AIM2: variants seen among roughly 807,000 people sequenced by gnomAD.
The protein encoded by AIM2 is absent in melanoma 2.
In AIM2, 30 loss-of-function variants were observed where a neutral mutation model predicts 27.7. The observed-to-expected ratio is 1.08, with a 90% CI of 0.81 to 1.47. The LOEUF (loss-of-function observed/expected upper bound fraction) is 1.47, where lower values mean the gene tolerates loss of function less well. Among genes scored for constraint, AIM2 ranks in the 40% most tolerant of loss-of-function variants. The probability of loss-of-function intolerance (pLI) is 0.00; values close to 1 mark genes in which losing one functional copy is unlikely to be tolerated. For synonymous variants in AIM2, 141 were observed against 145.3 expected (o/e 0.97, Z 0.21); for missense variants, 358 against 411.3 (o/e 0.87, Z 1.12).
intron 1 of AIM2, among the ~76,000 whole-genome samples, chr1:159,073,929 C>T (rs140653122): frequency 0.012 from 1,786 of 152,246 alleles, 46 homozygotes; most frequent in African/African-American, 0.041. Context: ...ATCCCAACTA[C>T]TCAGGAGGCT....
chr1:159,073,201 A>C (rs1408820697), intron 2 of AIM2, 37 bp downstream of exon 2: 1 of 1,609,702 alleles, frequency 6.2e-7, no homozygotes, highest in Admixed American at 1.7e-5. Context: ...GGCTTGGCAG[A>C]AAAAGGGACG....
At chr1:159,099,006 AT>A (rs5778107) in intron 1 of AIM2, among the ~76,000 whole-genome samples, 122,117 of 147,742 alleles carry the variant, frequency 0.83, 51,798 homozygotes, top group East Asian at 0.99. Context: ...TGGTTGTGTG[AT>A]TTTTTTTTTT....
intron 1 of AIM2, among the ~76,000 whole-genome samples, chr1:159,094,998 G>A (rs942140002): frequency 1.3e-5 from 2 of 151,868 alleles, no homozygotes; most frequent in Admixed American, 6.6e-5. Flanking sequence ...ACAAAAGCGG[G>A]CAATTTAAAT....
intron 1 of AIM2, among the ~76,000 whole-genome samples, chr1:159,112,406 A>C (rs1657594411): frequency 6.6e-6 from 1 of 152,236 alleles, no homozygotes; most frequent in Admixed American, 6.5e-5. Flanking sequence ...CATGCACCTC[A>C]TTAAATAGAC....
chr1:159,087,088 C>G (rs187045749), intron 1 of AIM2, among the ~76,000 whole-genome samples: 1 of 152,196 alleles, frequency 6.6e-6, no homozygotes, highest in African/African-American at 2.4e-5. Flanking sequence ...AATTCAACCT[C>G]TACATATCCT....
chr1:159,122,542 T>C (rs914863256), intron 1 of AIM2, among the ~76,000 whole-genome samples: 1 of 152,232 alleles, frequency 6.6e-6, no homozygotes, highest in East Asian at 1.9e-4. Context: ...TGGTGTAAAG[T>C]TAGCTGTCCA....
chr1:159,113,825 T>C (rs1647255851), intron 1 of AIM2, among the ~76,000 whole-genome samples: 1 of 152,164 alleles, frequency 6.6e-6, no homozygotes, highest in South Asian at 2.1e-4. Context: ...TATTGAATAG[T>C]GGTGAGGCAT....
chr1:159,106,160 A>G (rs1657441139), intron 1 of AIM2, among the ~76,000 whole-genome samples: 1 of 152,174 alleles, frequency 6.6e-6, no homozygotes, highest in Non-Finnish European at 1.5e-5. Context: ...CAAACCCCCA[A>G]GAGCACAGCA....
chr1:159,132,906 C>A (rs1255319285), intron 1 of AIM2, among the ~76,000 whole-genome samples: 1 of 152,186 alleles, frequency 6.6e-6, no homozygotes, highest in Non-Finnish European at 1.5e-5. Context: ...TTCAAACATC[C>A]AACACCTTCT....
chr1:159,074,610 CATT>C (rs1656515208), intron 1 of AIM2, among the ~76,000 whole-genome samples: 1 of 151,820 alleles, frequency 6.6e-6, no homozygotes. Context: ...ATACACAAAA[CATT>C]ATAAATAATA....
At chr1:159,106,408 T>G (rs758440279) in intron 1 of AIM2, among the ~76,000 whole-genome samples, 2 of 152,250 alleles carry the variant, frequency 1.3e-5, no homozygotes, top group Non-Finnish European at 2.9e-5. Context: ...ATAGTTCATG[T>G]CAGATGGTGT....
At chr1:159,139,404 C>T (rs550252210) in intron 1 of AIM2, among the ~76,000 whole-genome samples, 5 of 152,322 alleles carry the variant, frequency 3.3e-5, no homozygotes, top group South Asian at 2.1e-4. Context: ...CAGGTACCCT[C>T]CCCGTATGCT....
At chr1:159,111,973 T>C (rs1657587194) in intron 1 of AIM2, among the ~76,000 whole-genome samples, 1 of 151,554 alleles carries the variant, frequency 6.6e-6, no homozygotes, top group African/African-American at 2.4e-5. Context: ...ACCTAGGAGG[T>C]GGAGGTTGCA....
chr1:159,065,108 G>T (rs1019442694), intron 4 of AIM2, among the ~76,000 whole-genome samples: 2 of 152,152 alleles, frequency 1.3e-5, no homozygotes, highest in African/African-American at 2.4e-5. Context: ...GGCAGCAGAG[G>T]TTATTCTGAG....
chr1:159,084,331 C>T (rs561146890), intron 1 of AIM2, among the ~76,000 whole-genome samples: 7 of 152,244 alleles, frequency 4.6e-5, no homozygotes, highest in African/African-American at 1.7e-4. Context: ...TCGCTCACCA[C>T]ATCCTTCCCT....
chr1:159,090,638 T>A (rs1657023226), intron 1 of AIM2, among the ~76,000 whole-genome samples: 1 of 152,212 alleles, frequency 6.6e-6, no homozygotes, highest in Non-Finnish European at 1.5e-5. Context: ...AAACTCTTAC[T>A]ATTTTTCCTA....
chr1:159,126,463 C>T (rs1329015763), intron 1 of AIM2, among the ~76,000 whole-genome samples: 2 of 151,842 alleles, frequency 1.3e-5, no homozygotes, highest in African/African-American at 4.8e-5. Flanking sequence ...CTGGCTAACA[C>T]GGTGAAACCC....
chr1:159,091,853 T>C (rs1657052032), intron 1 of AIM2, among the ~76,000 whole-genome samples: 1 of 152,218 alleles, frequency 6.6e-6, no homozygotes, highest in Non-Finnish European at 1.5e-5. Context: ...TGCTGTCACC[T>C]ATAAAAATAT....
intron 4 of AIM2, among the ~76,000 whole-genome samples, chr1:159,065,496 C>T (rs575247197): frequency 2.6e-4 from 39 of 152,264 alleles, no homozygotes; most frequent in African/African-American, 7.2e-4. Flanking sequence ...TCCTGCCTTG[C>T]GTATTGGTTT....
Sources: allele counts gnomAD v4.1 joint callset (sites outside exome capture counted in the v4.1 genomes callset), GRCh38; gene constraint gnomAD v4.1.1; transcripts MANE v1.5; gene names NCBI Gene and HGNC (gene_info 2026-07-23, HGNC 2026-07-21).